UGT1A4: variants seen among roughly 807,000 people sequenced by gnomAD.
UGT1A4 encodes the protein UDP glucuronosyltransferase family 1 member A4.
A neutral mutation model predicts 41.1 loss-of-function variants in UGT1A4; 32 were observed. That is an observed-to-expected ratio of 0.78 (90% CI 0.59 to 1.05). The LOEUF (loss-of-function observed/expected upper bound fraction) is 1.05, where lower values mean the gene tolerates loss of function less well. UGT1A4 is among the 50% of genes least tolerant of loss of function. UGT1A4 has a pLI of 0.00. For missense variants in UGT1A4, 748 were observed against 677.4 expected (o/e 1.10, Z -1.16); for synonymous variants, 283 against 265.1 (o/e 1.07, Z -0.66).
At chr2:233,746,151 A>C (rs1346587402) in intron 1 of UGT1A4, among the ~76,000 whole-genome samples, 1 of 151,886 alleles carries the variant, frequency 6.6e-6, no homozygotes, top group Non-Finnish European at 1.5e-5. Context: ...TGATAGCATG[A>C]TTCCAAAGCC....
chr2:233,733,332 C>T (rs1191516826), intron 1 of UGT1A4, among the ~76,000 whole-genome samples: 5 of 152,198 alleles, frequency 3.3e-5, no homozygotes, highest in East Asian at 1.9e-4. Context: ...CTGGCCAGAA[C>T]TTCCAACAGT....
intron 1 of UGT1A4, among the ~76,000 whole-genome samples, chr2:233,730,257 A>C (rs1190299662): frequency 6.6e-6 from 1 of 152,082 alleles, no homozygotes; most frequent in Non-Finnish European, 1.5e-5. Flanking sequence ...ACTCATAGAG[A>C]CTGTTGGTTT....
At chr2:233,723,367 A>C (rs1057114040) in intron 1 of UGT1A4, among the ~76,000 whole-genome samples, 6 of 125,432 alleles carry the variant, frequency 4.8e-5, no homozygotes, top group Middle Eastern at 3.9e-3. Context: ...ACGTCACCAC[A>C]CCTGGCTAAT....
intron 1 of UGT1A4, among the ~76,000 whole-genome samples, chr2:233,720,841 G>C (rs529446200): frequency 2.0e-5 from 3 of 151,096 alleles, no homozygotes; most frequent in African/African-American, 7.3e-5. Context: ...GAGTAACTGG[G>C]ACTGCAGGCA....
At chr2:233,724,154 G>T (rs1327662182) in intron 1 of UGT1A4, among the ~76,000 whole-genome samples, 4 of 77,654 alleles carry the variant, frequency 5.2e-5, no homozygotes, top group Admixed American at 3.5e-4. Flanking sequence ...CTGGCCGGGT[G>T]GGGGGGCTGA....
At chr2:233,743,513 T>C (rs1354115874) in intron 1 of UGT1A4, 1 of 1,367,162 alleles carries the variant, frequency 7.3e-7, no homozygotes, top group South Asian at 1.1e-5. Flanking sequence ...GCAGACGCTC[T>C]GCTTCTGCTT....
At chr2:233,743,662 G>A (rs34622615) in intron 1 of UGT1A4, 13 of 1,367,072 alleles carry the variant, frequency 9.5e-6, no homozygotes, top group African/African-American at 1.5e-5. Context: ...ACTCGAAGGG[G>A]TCCTCGAAGG....
intron 4 of UGT1A4, chr2:233,771,391 T>C (rs562546600): frequency 6.6e-6 from 1 of 152,294 alleles, no homozygotes; most frequent in East Asian, 1.9e-4. Flanking sequence ...GATGTTCTGA[T>C]TGGGCAATGA....
At chr2:233,729,079 C>T (rs372945950) in intron 1 of UGT1A4, 2 of 1,611,886 alleles carry the variant, frequency 1.2e-6, no homozygotes, top group African/African-American at 2.7e-5. Flanking sequence ...GCAAATGTAG[C>T]AGGCACAGCG....
Position 233,719,109 on chromosome 2 carries a change from A to G in UGT1A4, c.289A>G (p.Thr97Ala), listed in dbSNP as rs1473237971. 3 of 1,614,122 alleles carry G rather than the reference A, an allele frequency of 1.9e-6. No individual in the cohort carries two copies. The highest frequency in any genetic ancestry group is 2.2e-5 in the South Asian group (2 of 91,082). Residue 97 changes from threonine (T) to alanine (A), a missense_variant, in exon 1 of 5, where the codon ACT (threonine) becomes GCT (alanine). Coordinates refer to ENST00000373409, the MANE Select transcript of UGT1A4 (RefSeq NM_007120.3). ...ATTTGATCGCGTTACGCTGGGCTAC[A>G]CTCAAGGGTTCTTTGAAACAGAACA... The part of the protein sequence containing the change: ...KEFDRVTLGY[T>A]QGFFETEHLL...
intron 1 of UGT1A4, among the ~76,000 whole-genome samples, chr2:233,763,113 C>T (rs529760384): frequency 4.9e-4 from 74 of 152,338 alleles, no homozygotes; most frequent in African/African-American, 1.7e-3. Flanking sequence ...ACTTTATCAG[C>T]TGCCTTTCTG....
At chr2:233,723,587 T>C (rs2077102865) in intron 1 of UGT1A4, among the ~76,000 whole-genome samples, 1 of 113,268 alleles carries the variant, frequency 8.8e-6, no homozygotes, top group Non-Finnish European at 1.8e-5. Context: ...GAGGGGGATT[T>C]GGCAGGGTCA....
chr2:233,750,793 G>A (rs996966433), intron 1 of UGT1A4: 7 of 151,906 alleles, frequency 4.6e-5, no homozygotes, highest in African/African-American at 1.7e-4. Flanking sequence ...CAGAAGATAA[G>A]AATTTAGGTT....
chr2:233,723,516 CTT>C lies in UGT1A4; in HGVS notation c.867+3848_867+3849del, dbSNP rs1162916866. ...TGAGCCACTGCACCTGGTCAACAATCTTTTTTTTTTTTTTTTTTTTAATTTAT... is the reference window on the plus strand; with the variant it reads ...TGAGCCACTGCACCTGGTCAACAATCTTTTTTTTTTTTTTTTTTAATTTAT... On this transcript the variant is annotated intron_variant, in intron 1 of 4. Coordinates refer to ENST00000373409, the MANE Select transcript of UGT1A4 (RefSeq NM_007120.3). Among the ~76,000 whole-genome samples, 162 of 85,388 alleles carry C rather than the reference CTT, an allele frequency of 1.9e-3. 4 individuals are homozygous for C. The highest frequency in any genetic ancestry group is 7.1e-3 in the African/African-American group (146 of 20,564). The allele number at this position is 85,388 out of a possible 152,430, so 56.0% of individuals were successfully genotyped here.
At chr2:233,743,592 G>T (rs370692834) in intron 1 of UGT1A4, 2 of 1,367,196 alleles carry the variant, frequency 1.5e-6, no homozygotes, top group Non-Finnish European at 2.0e-6. Context: ...AAGGAGAATG[G>T]GTCCTGGCCG....
intron 1 of UGT1A4, among the ~76,000 whole-genome samples, chr2:233,766,036 G>T (rs1393520685): frequency 6.6e-6 from 1 of 152,138 alleles, no homozygotes; most frequent in Non-Finnish European, 1.5e-5. Context: ...GCCCTCTATA[G>T]TCAGCTTGTG....
intron 1 of UGT1A4, chr2:233,743,659 G>A (rs1692418215): frequency 1.5e-6 from 2 of 1,367,268 alleles, no homozygotes; most frequent in Non-Finnish European, 2.0e-6. Context: ...CGTACTCGAA[G>A]GGGTCCTCGA....
In UGT1A4 at chr2:233,718,985, C is replaced by T. The variant is rs45571233; in HGVS notation, c.165C>T (p.Gly55=). The T allele has an allele frequency of 6.2e-7, 1 of 1,614,226 alleles. No individual in the cohort carries two copies. Among genetic ancestry groups the T allele is most frequent in the East Asian group, 2.2e-5 (1 of 44,884 alleles). ...REALRELHAR[G]HQAVVLTPEV... ...CCTTGCGGGAGCTCCATGCCAGAGG[C>T]CACCAGGCGGTGGTCCTCACCCCAG... Residue 55 remains glycine (G), a synonymous_variant, in exon 1 of 5, where the codon GGC becomes GGT. Transcript: ENST00000373409.
chr2:233,768,371 C>T lies in UGT1A4; in HGVS notation c.1239C>T (p.Thr413=). The T allele has an allele frequency of 6.2e-7, 1 of 1,614,074 alleles. No homozygotes were observed. Among genetic ancestry groups the T allele is most frequent in the South Asian group, 1.1e-5 (1 of 91,082 alleles). ...TGGAGACTAAGGGAGCTGGAGTGAC[C>T]CTGAATGTTCTGGAAATGACTTCTG... is the stretch of plus-strand genomic sequence containing the variant. The part of the protein sequence containing the change: ...KRMETKGAGV[T]LNVLEMTSED... Residue 413 remains threonine, a synonymous_variant, in exon 4 of 5, where the codon ACC becomes ACT. Coordinates refer to ENST00000373409, the MANE Select transcript of UGT1A4 (RefSeq NM_007120.3).
Sources: allele counts gnomAD v4.1 joint callset (sites outside exome capture counted in the v4.1 genomes callset), GRCh38; gene constraint gnomAD v4.1.1; transcripts MANE v1.5; gene names NCBI Gene and HGNC (gene_info 2026-07-23, HGNC 2026-07-21).